FHIT: variants seen among roughly 807,000 people sequenced by gnomAD.
The protein encoded by FHIT is fragile histidine triad diadenosine triphosphatase, also known as bis(5'-adenosyl)-triphosphatase.
Under a neutral mutation model 17.9 loss-of-function variants are expected in FHIT, and 19 were observed. The ratio of observed to expected loss-of-function variants is 1.06; its 90% CI spans 0.74 to 1.56. The LOEUF (loss-of-function observed/expected upper bound fraction) is 1.56, where lower values mean the gene tolerates loss of function less well. FHIT is among the 40% of genes most tolerant of loss of function. The pLI is 0.00. For synonymous variants in FHIT, 81 were observed against 69.7 expected (o/e 1.16, Z -0.81); for missense variants, 248 against 189.2 (o/e 1.31, Z -1.82).
In FHIT at chr3:60,859,723, A is replaced by ATTTTTTTTTTTTTTTTTTTTTTT. The variant is rs71092647; in HGVS notation, c.-110-37735_-110-37713dup. On this transcript the variant is annotated intron_variant, in intron 3 of 9. Coordinates refer to ENST00000492590, the MANE Select transcript of FHIT (RefSeq NM_002012.4). ...ACATTTGCAGTGGATTCTGAATACG[A>ATTTTTTTTTTTTTTTTTTTTTTT]TTTTTTTTTTTTTTTTTTTTTTTTT... is the stretch of plus-strand genomic sequence containing the variant. Among the ~76,000 whole-genome samples, 12 of 51,926 alleles carry ATTTTTTTTTTTTTTTTTTTTTTT rather than the reference A, an allele frequency of 2.3e-4. 2 individuals carry two copies. Among genetic ancestry groups the ATTTTTTTTTTTTTTTTTTTTTTT allele is most frequent in the Admixed American group, 1.3e-3 (4 of 3,000 alleles). 34.1% of individuals were successfully genotyped at this position (51,926 alleles called of 152,430 possible). A position where few individuals can be genotyped will look rare whatever the true frequency, so the allele number is the denominator to read the frequency against.
intron 5 of FHIT, among the ~76,000 whole-genome samples, chr3:60,051,771 G>A (rs1189783334): frequency 1.3e-5 from 2 of 152,122 alleles, no homozygotes; most frequent in Admixed American, 6.5e-5. Flanking sequence ...GTGTATACAG[G>A]ATTCTACTTG....
intron 8 of FHIT, among the ~76,000 whole-genome samples, chr3:59,759,680 C>G (rs4679504): frequency 0.082 from 12,466 of 152,198 alleles, 739 homozygotes; most frequent in Admixed American, 0.16. Context: ...ATTCTGGATG[C>G]TTTCATGCTT....
intron 4 of FHIT, among the ~76,000 whole-genome samples, chr3:60,543,907 C>CTTTTTTTTTT (rs71092612): frequency 0.016 from 844 of 52,034 alleles, 169 homozygotes; most frequent in East Asian, 0.035. Flanking sequence ...CCACGCCCGG[C>CTTTTTTTTTT]TTTTTTTTTT....
chr3:60,540,160 C>T (rs952581879), intron 4 of FHIT, among the ~76,000 whole-genome samples: 1 of 152,030 alleles, frequency 6.6e-6, no homozygotes, highest in Admixed American at 6.6e-5. Flanking sequence ...GTTTAGGGAG[C>T]TTCTGGATAG....
chr3:61,214,340 A>T (rs1022970911), intron 1 of FHIT, among the ~76,000 whole-genome samples: 1 of 152,254 alleles, frequency 6.6e-6, no homozygotes, highest in African/African-American at 2.4e-5. Flanking sequence ...CACCAATCCC[A>T]TAGAAATACA....
chr3:61,052,392 T>C (rs577035076), intron 2 of FHIT, among the ~76,000 whole-genome samples: 2 of 152,146 alleles, frequency 1.3e-5, no homozygotes, highest in African/African-American at 2.4e-5. Context: ...GTAAATAGCA[T>C]ATCCAGGACT....
chr3:61,172,545 T>C (rs1222305246), intron 2 of FHIT, among the ~76,000 whole-genome samples: 1 of 152,222 alleles, frequency 6.6e-6, no homozygotes, highest in Non-Finnish European at 1.5e-5. Flanking sequence ...AATTATGTGA[T>C]AGTATTATCC....
chr3:61,114,434 T>C (rs533918490), intron 2 of FHIT, among the ~76,000 whole-genome samples: 1 of 152,334 alleles, frequency 6.6e-6, no homozygotes, highest in African/African-American at 2.4e-5. Context: ...CAGACCTGAA[T>C]TGAGCCACTT....
intron 2 of FHIT, among the ~76,000 whole-genome samples, chr3:61,091,546 G>C (rs549740409): frequency 3.3e-5 from 5 of 152,182 alleles, no homozygotes; most frequent in Non-Finnish European, 7.4e-5. Context: ...GTTCTTTGGG[G>C]TCAAGCAACG....
intron 5 of FHIT, among the ~76,000 whole-genome samples, chr3:60,058,919 G>A (rs546453034): frequency 6.6e-6 from 1 of 152,212 alleles, no homozygotes; most frequent in African/African-American, 2.4e-5. Context: ...CTTGGGCAGA[G>A]AGTCATGGTA....
intron 5 of FHIT, among the ~76,000 whole-genome samples, chr3:60,474,824 T>C (rs1257610456): frequency 3.9e-5 from 6 of 152,150 alleles, no homozygotes; most frequent in African/African-American, 1.4e-4. Flanking sequence ...GGTTTCTCCA[T>C]GTTGCTCAGG....
chr3:60,860,403 G>GTATACATGACATACATC (rs1703656544), intron 3 of FHIT, among the ~76,000 whole-genome samples: 1 of 138,088 alleles, frequency 7.2e-6, no homozygotes, highest in Non-Finnish European at 1.6e-5. Flanking sequence ...ATGTATATAT[G>GTATACATGACATACATC]ACATACATCA....
intron 8 of FHIT, among the ~76,000 whole-genome samples, chr3:59,920,153 A>G (rs1705332616): frequency 6.6e-6 from 1 of 152,218 alleles, no homozygotes; most frequent in South Asian, 2.1e-4. Context: ...AGAAACTACT[A>G]TCTATTAACA....
At chr3:60,938,275 T>C (rs948762927) in intron 3 of FHIT, among the ~76,000 whole-genome samples, 2 of 152,186 alleles carry the variant, frequency 1.3e-5, no homozygotes, top group Admixed American at 6.5e-5. Flanking sequence ...TTGTGCTATG[T>C]AGAATGCTGT....
At chr3:59,890,359 A>C (rs978069548) in intron 8 of FHIT, among the ~76,000 whole-genome samples, 2 of 151,756 alleles carry the variant, frequency 1.3e-5, no homozygotes, top group African/African-American at 4.8e-5. Flanking sequence ...TCAATCTGGG[A>C]CTCTTTTTCA....
chr3:60,131,290 T>C (rs918521282), intron 5 of FHIT, among the ~76,000 whole-genome samples: 4 of 152,090 alleles, frequency 2.6e-5, no homozygotes, highest in African/African-American at 7.2e-5. Context: ...ATAGTTATTC[T>C]AACATATTGT....
intron 3 of FHIT, among the ~76,000 whole-genome samples, chr3:60,904,939 A>T (rs1165583011): frequency 2.6e-5 from 1 of 38,498 alleles, no homozygotes; most frequent in Non-Finnish European, 6.3e-5. Context: ...ACTTGGTCTA[A>T]AAAAAAAAAA....
At chr3:61,204,363 T>TA (rs1386902353) in intron 1 of FHIT, among the ~76,000 whole-genome samples, 1 of 152,190 alleles carries the variant, frequency 6.6e-6, no homozygotes, top group African/African-American at 2.4e-5. Flanking sequence ...CTTTAAACTG[T>TA]ATATGTACAC....
rs569639617 is a variant in FHIT at position 60,760,269 on chromosome 3, C to T, written c.-18+61650G>A. Among the ~76,000 whole-genome samples, 49 of 152,204 alleles carry T rather than the reference C, an allele frequency of 3.2e-4. 1 individual carries two copies. The Middle Eastern group carries it at 0.01, about 32-fold the overall frequency. On this transcript the variant is annotated intron_variant, in intron 4 of 9. Transcript: ENST00000492590. ...TTGAGGTTCACGGCACCATGAAGGCCGAGGGTGGAAGCAGAACAGTTCAGA... is the reference window on the plus strand; with the variant it reads ...TTGAGGTTCACGGCACCATGAAGGCTGAGGGTGGAAGCAGAACAGTTCAGA...
Sources: gnomAD v4.1 joint callset for allele counts (sites outside exome capture counted in the v4.1 genomes callset) on GRCh38, gnomAD v4.1.1 for gene constraint, MANE v1.5 for transcripts, NCBI Gene and HGNC (gene_info 2026-07-23, HGNC 2026-07-21) for gene names.